Variants in FHDC1 observed in about 807,000 individuals in gnomAD.
FHDC1 encodes the protein FH2 domain-containing protein 1.
A neutral mutation model predicts 52.6 loss-of-function variants in FHDC1; 25 were observed. That is an observed-to-expected ratio of 0.48 (90% confidence interval 0.35 to 0.66). FHDC1 has a LOEUF of 0.66. Ranked by LOEUF, FHDC1 falls within the 30% of genes least tolerant of loss-of-function variation. The probability of loss-of-function intolerance (pLI) is 0.01; values close to 1 mark genes in which losing one functional copy is unlikely to be tolerated. For missense variants in FHDC1, 1,459 were observed against 1,452.8 expected (o/e 1.00, Z -0.07); for synonymous variants, 616 against 581.5 (o/e 1.06, Z -0.85).
At chr4:152,930,888 A>G in the FHDC1 span, among the ~76,000 whole-genome samples, 2 of 151,814 alleles carry the variant, frequency 1.3e-5, no homozygotes, top group Admixed American at 6.6e-5. Flanking sequence ...TAAGTCACCA[A>G]CATGTCCCTT....
chr4:152,950,419 T>C (rs1462190623), intron 2 of FHDC1, among the ~76,000 whole-genome samples: 1 of 152,092 alleles, frequency 6.6e-6, no homozygotes, highest in Non-Finnish European at 1.5e-5. Flanking sequence ...ATGATATCAG[T>C]TGTCTCATTT....
chr4:152,924,161 G>GA, the FHDC1 span, among the ~76,000 whole-genome samples: 25 of 150,224 alleles, frequency 1.7e-4, no homozygotes, highest in African/African-American at 4.6e-4. Flanking sequence ...AAATTTACAA[G>GA]AAAAAAAAAC....
chr4:152,932,651 C>T (rs958366319), upstream of FHDC1, among the ~76,000 whole-genome samples: 1 of 152,160 alleles, frequency 6.6e-6, no homozygotes, highest in African/African-American at 2.4e-5. Flanking sequence ...TAATACTGAA[C>T]AACTGATCTA....
At chr4:152,912,616 A>G in the FHDC1 span, among the ~76,000 whole-genome samples, 1 of 152,194 alleles carries the variant, frequency 6.6e-6, no homozygotes, top group African/African-American at 2.4e-5. Context: ...ATATTTTTTA[A>G]GCCAGTGCTG....
chr4:152,965,343 T>C (rs550515402), intron 9 of FHDC1, among the ~76,000 whole-genome samples: 2 of 152,218 alleles, frequency 1.3e-5, no homozygotes, highest in Non-Finnish European at 2.9e-5. Flanking sequence ...TTTCACTGTT[T>C]CCTTGTAGAA....
chr4:152,963,034 C>T lies in FHDC1; in HGVS notation c.933C>T (p.Ala311=), dbSNP rs200235057. ...TTTGTCTTCTTTAGGGAGGGTATGCCGGCAATGCAGTAGGATTTAAACTGT... is the reference window on the plus strand; with the variant it reads ...TTTGTCTTCTTTAGGGAGGGTATGCTGGCAATGCAGTAGGATTTAAACTGT... ...AGNIMNAGGY[A]GNAVGFKLSS... Residue 311 remains alanine (A), a synonymous_variant, in exon 8 of 12, where the codon GCC becomes GCT. Coordinates refer to ENST00000511601, the MANE Select transcript of FHDC1 (RefSeq NM_001371116.1). 56 of 1,611,756 alleles carry T rather than the reference C, an allele frequency of 3.5e-5. No individual in the cohort carries two copies. The highest frequency in any genetic ancestry group is 6.7e-5 in the Admixed American group (4 of 59,688).
At position 152,960,805 on chromosome 4, in the gene FHDC1, C is replaced by A; in HGVS notation, c.811C>A (p.Leu271Ile). 6.2e-7 allele frequency: 1 copy of A among 1,611,810 alleles called. No individual in the cohort carries two copies. The highest frequency in any genetic ancestry group is 1.1e-5 in the South Asian group (1 of 90,270). The change falls in exon 6 of 12, where the codon CTA becomes ATA. Residue 271 changes from leucine to isoleucine, a missense_variant. This residue lies in a region of FHDC1 where 513 missense variants were observed against 581.5 expected (regional missense o/e 0.88). Transcript: ENST00000511601. ...GGAATTTCTACCTTCTTGCTCTTCT[C>A]TATATACAGATATAACAGTTTTAAG... ...KKEFLPSCSS[L>I]YTDITVLRTA...
intron 4 of FHDC1, among the ~76,000 whole-genome samples, chr4:152,955,752 A>G (rs551058421): frequency 1.1e-4 from 16 of 152,372 alleles, no homozygotes; most frequent in African/African-American, 3.8e-4. Flanking sequence ...TGCTGGGATT[A>G]CAGGCATGAG....
chr4:152,968,134 T>C (rs1740521472), intron 10 of FHDC1, 37 bp downstream of exon 10: 2 of 1,480,628 alleles, frequency 1.4e-6, no homozygotes, highest in Admixed American at 1.7e-5. Flanking sequence ...TCTAATCTCA[T>C]CTCCCAGCAG....
At chr4:152,953,393 T>A (rs1739984522) in intron 2 of FHDC1, 106 bp from the exon 3 acceptor site, 1 of 811,876 alleles carries the variant, frequency 1.2e-6, no homozygotes, top group African/African-American at 1.7e-5. Context: ...TGGGAATTAT[T>A]CTCTGATAAA....
intron 6 of FHDC1, among the ~76,000 whole-genome samples, chr4:152,962,350 A>G (rs987266049): frequency 6.6e-6 from 1 of 152,034 alleles, no homozygotes; most frequent in Non-Finnish European, 1.5e-5. Flanking sequence ...TTTATTTTTT[A>G]TCTCTTCATA....
intron 2 of FHDC1, among the ~76,000 whole-genome samples, chr4:152,950,561 G>A (rs548195877): frequency 2.6e-5 from 4 of 152,278 alleles, no homozygotes; most frequent in Admixed American, 2.0e-4. Context: ...CTGTAGAGAC[G>A]CCTGCTTCTA....
At chr4:152,930,257 TTTCTC>T in the FHDC1 span, among the ~76,000 whole-genome samples, 85 of 152,396 alleles carry the variant, frequency 5.6e-4, no homozygotes, top group African/African-American at 1.9e-3. Flanking sequence ...TCTTTGCTCT[TTTCTC>T]TGGCATAGTT....
At chr4:152,923,486 T>C in the FHDC1 span, among the ~76,000 whole-genome samples, 1 of 152,170 alleles carries the variant, frequency 6.6e-6, no homozygotes, top group African/African-American at 2.4e-5. Context: ...AATGACTTTC[T>C]TCACAGAATT....
rs1206547550 is a variant in FHDC1, at chr4:152,975,675, G to A, written c.2384G>A (p.Gly795Asp). Residue 795 changes from glycine (G) to aspartate (D), a missense_variant, in exon 12 of 12, where the codon GGC becomes GAC. Physicochemically the swap from Gly to Asp is moderately conservative, Grantham distance 94 (BLOSUM62 -1). Coordinates refer to ENST00000511601, the MANE Select transcript of FHDC1 (RefSeq NM_001371116.1). Reference sequence around the variant, plus strand: ...GAGGGAACCGACTCCAGACCCAGAGGCGGGGACCCGGAGGAAGGCGGGGAA... The same window carrying A: ...GAGGGAACCGACTCCAGACCCAGAGACGGGGACCCGGAGGAAGGCGGGGAA... ...CSEGTDSRPR[G>D]GDPEEGGEGD... 4 of 1,612,952 alleles carry A rather than the reference G, an allele frequency of 2.5e-6. No individual in the cohort carries two copies. The highest frequency in any genetic ancestry group is 1.7e-4 in the Middle Eastern group (1 of 6,058).
At position 152,976,404 on chromosome 4, in the gene FHDC1, A is replaced by G. The variant is rs1294978512; in HGVS notation, c.3113A>G (p.Asn1038Ser). 1 of 1,613,764 alleles carries G rather than the reference A, an allele frequency of 6.2e-7. No individual in the cohort carries two copies. Among genetic ancestry groups the G allele is most frequent in the African/African-American group, 1.3e-5 (1 of 75,058 alleles). The change falls in exon 12 of 12, where the codon AAC becomes AGC. Residue 1038 changes from asparagine to serine, a missense_variant. This residue lies in a region of FHDC1 where 939 missense variants were observed against 854.5 expected (regional missense o/e 1.10). Coordinates refer to ENST00000511601, the MANE Select transcript of FHDC1 (RefSeq NM_001371116.1). ...CCCCGTGTCCCGAGCTTTGCCCGGA[A>G]CACAGTGGCCTCCTCCTCTCGAAGC... is the stretch of plus-strand genomic sequence containing the variant. ...ELPRVPSFAR[N>S]TVASSSRSMR...
the FHDC1 span, among the ~76,000 whole-genome samples, chr4:152,915,505 C>A: frequency 2.6e-5 from 4 of 152,170 alleles, no homozygotes; most frequent in African/African-American, 9.7e-5. Flanking sequence ...TCAGTGCTTG[C>A]ACTGCAATTT....
At chr4:152,948,412 G>A (rs1279724830) in intron 2 of FHDC1, among the ~76,000 whole-genome samples, 2 of 152,158 alleles carry the variant, frequency 1.3e-5, no homozygotes, top group Non-Finnish European at 2.9e-5. Flanking sequence ...GTAGAATGGT[G>A]GTTGCCAGGA....
At chr4:152,933,718 A>T (rs1579074221), upstream of FHDC1, among the ~76,000 whole-genome samples, 1 of 136,936 alleles carries the variant, frequency 7.3e-6, no homozygotes, top group East Asian at 2.1e-4. Flanking sequence ...GGCGACAGTG[A>T]GACCCCGTCT....
Sources: gnomAD v4.1 joint callset for allele counts (sites outside exome capture counted in the v4.1 genomes callset) on GRCh38, gnomAD v4.1.1 for gene constraint, gnomAD v4.1.1 regional missense constraint, MANE v1.5 for transcripts, NCBI Gene and HGNC (gene_info 2026-07-23, HGNC 2026-07-21) for gene names.